The following MAPKBP1 variants were observed in gnomAD, a reference collection of about 807,000 sequenced individuals.
MAPKBP1 encodes mitogen-activated protein kinase-binding protein 1.
In MAPKBP1, 71 loss-of-function variants were observed where a neutral mutation model predicts 170.5. That is an observed-to-expected ratio of 0.42 (90% confidence interval 0.34 to 0.51). The LOEUF (loss-of-function observed/expected upper bound fraction) is 0.51. MAPKBP1 is among the 20% of genes least tolerant of loss of function. The probability of loss-of-function intolerance (pLI) is 0.06; values close to 1 mark genes in which losing one functional copy is unlikely to be tolerated. For synonymous variants in MAPKBP1, 719 were observed against 757.9 expected (o/e 0.95, Z 0.84); for missense variants, 1,598 against 1,933.0 (o/e 0.83, Z 3.25).
In MAPKBP1 at chr15:41,782,015, G is replaced by A. The variant is rs944467668; in HGVS notation, c.114+6626G>A. The stretch of plus-strand genomic sequence containing the variant: ...TGTAATCCTAGCATTTTGGGAGGCC[G>A]AGGCGGGCGGATCATGAGGTCAGGA... On this transcript the variant is annotated intron_variant, in intron 2 of 30. Transcript: ENST00000457542. Among the ~76,000 whole-genome samples the A allele has an allele frequency of 4.6e-5, 7 of 151,062 alleles. No homozygotes were observed. In the East Asian group the frequency reaches 1.2e-3, roughly 25 times the overall value.
chr15:41,797,807 C>A (rs1300475539), intron 2 of MAPKBP1, among the ~76,000 whole-genome samples: 1 of 152,202 alleles, frequency 6.6e-6, no homozygotes, highest in Non-Finnish European at 1.5e-5. Flanking sequence ...TCCTCATCTG[C>A]ATCCCCAAGA....
intron 10 of MAPKBP1, among the ~76,000 whole-genome samples, chr15:41,815,001 T>A (rs1314554754): frequency 6.6e-6 from 1 of 152,164 alleles, no homozygotes. Flanking sequence ...TGTAAAATGG[T>A]GTACTTGATT....
At chr15:41,798,313 C>G (rs1037198484) in intron 2 of MAPKBP1, among the ~76,000 whole-genome samples, 1 of 149,518 alleles carries the variant, frequency 6.7e-6, no homozygotes, top group Non-Finnish European at 1.5e-5. Flanking sequence ...GATGGCGTCT[C>G]GCTGTGTCAC....
At chr15:41,793,361 C>T (rs866611710) in intron 2 of MAPKBP1, among the ~76,000 whole-genome samples, 4 of 152,064 alleles carry the variant, frequency 2.6e-5, no homozygotes, top group Non-Finnish European at 4.4e-5. Flanking sequence ...GTGGCATGTG[C>T]CTGTAGTACC....
chr15:41,778,827 G>T (rs186344532), intron 2 of MAPKBP1, among the ~76,000 whole-genome samples: 1 of 152,186 alleles, frequency 6.6e-6, no homozygotes, highest in Admixed American at 6.5e-5. Flanking sequence ...AGCCCAGCAG[G>T]CAAGATTTAA....
Position 41,827,810 on chromosome 15 carries a change from T to G in MAPKBP1, c.*2374T>G. ...GGGGGCGCTGTTTTTAACGTGCCCG[T>G]TTGTACTGATGTATGAACTTGTCAA... On this transcript the variant is annotated 3_prime_UTR_variant, in exon 31 of 31. Transcript: ENST00000457542. 1.7e-5 allele frequency: 5 copies of G among 300,210 alleles called. No individual in the cohort carries two copies. The highest frequency in any genetic ancestry group is 5.2e-5 in the Admixed American group (1 of 19,210). The allele number at this position is 300,210 out of a possible 1,614,324, so 18.6% of individuals were successfully genotyped here.
At chr15:41,781,256 A>G (rs1463204574) in intron 2 of MAPKBP1, among the ~76,000 whole-genome samples, 1 of 151,682 alleles carries the variant, frequency 6.6e-6, no homozygotes, top group Non-Finnish European at 1.5e-5. Flanking sequence ...TTGTTTTTTC[A>G]GTAGAGACAG....
Position 41,826,777 on chromosome 15 carries a change from GT to G in MAPKBP1, c.*1343del. On this transcript the variant is annotated 3_prime_UTR_variant, in exon 31 of 31. Coordinates refer to ENST00000457542, the MANE Select transcript of MAPKBP1 (RefSeq NM_014994.3). ...GTAAGTGGCAGAGGTGAGGGGATAA[GT>G]TAGAATGTAAAAGGGCAGTAATTAG... The G allele has an allele frequency of 6.6e-6, 1 of 152,364 alleles. No homozygotes were observed. Among genetic ancestry groups the G allele is most frequent in the Non-Finnish European group, 1.5e-5 (1 of 68,062 alleles). 9.4% of individuals were successfully genotyped at this position (152,364 alleles called of 1,614,324 possible). A position where few individuals can be genotyped will look rare whatever the true frequency, so the allele number is the denominator to read the frequency against.
At chr15:41,796,582 A>G (rs1477786604) in intron 2 of MAPKBP1, among the ~76,000 whole-genome samples, 1 of 152,036 alleles carries the variant, frequency 6.6e-6, no homozygotes. Context: ...CTCCCCTTCC[A>G]CAGAGCCAAA....
intron 3 of MAPKBP1, 105 bp from the exon 4 acceptor site, chr15:41,810,778 C>A: frequency 5.2e-6 from 4 of 766,460 alleles, no homozygotes; most frequent in East Asian, 2.7e-5. Context: ...TGAGCTCTTT[C>A]TACCCAGCTC....
chr15:41,802,120 G>A (rs1290878596), intron 3 of MAPKBP1, among the ~76,000 whole-genome samples: 2 of 152,106 alleles, frequency 1.3e-5, no homozygotes, highest in African/African-American at 4.8e-5. Context: ...AATGGTATTT[G>A]TATATTTAAA....
chr15:41,813,606 C>T lies in MAPKBP1; in HGVS notation c.820-15C>T. 1 of 1,611,612 alleles carries T rather than the reference C, an allele frequency of 6.2e-7. No homozygotes were observed. Among genetic ancestry groups the T allele is most frequent in the Non-Finnish European group, 8.5e-7 (1 of 1,179,184 alleles). On this transcript the variant is annotated splice_polypyrimidine_tract_variant and intron_variant, in intron 8 of 30. Transcript: ENST00000457542. Reference sequence around the variant, plus strand: ...GGGCAGGTGGCCTTGCTGAGCTGAGCCACTCTGCCCACAGACCACAGTGGC... The same window carrying T: ...GGGCAGGTGGCCTTGCTGAGCTGAGTCACTCTGCCCACAGACCACAGTGGC...
chr15:41,825,720 A>G lies in MAPKBP1; in HGVS notation c.*284A>G. ...TTGGTGCTGTGAGAGGTAGGAGGGCAGCCTGCCCCATCTAGGAATCTGGGA... is the reference window on the plus strand; with the variant it reads ...TTGGTGCTGTGAGAGGTAGGAGGGCGGCCTGCCCCATCTAGGAATCTGGGA... On this transcript the variant is annotated 3_prime_UTR_variant, in exon 31 of 31. Transcript: ENST00000457542. 1 of 362,612 alleles carries G rather than the reference A, an allele frequency of 2.8e-6. No homozygotes were observed. Among genetic ancestry groups the G allele is most frequent in the Non-Finnish European group, 5.0e-6 (1 of 198,982 alleles). 22.5% of individuals were successfully genotyped at this position (362,612 alleles called of 1,614,324 possible).
At chr15:41,791,638 ATCTTATGCTGTGCCACC>A (rs2064397290) in intron 2 of MAPKBP1, among the ~76,000 whole-genome samples, 1 of 152,116 alleles carries the variant, frequency 6.6e-6, no homozygotes, top group African/African-American at 2.4e-5. Context: ...ACCGCTTGGG[ATCTTATGCTGTGCCACC>A]TCTGTTGAGG....
Position 41,812,987 on chromosome 15 carries a change from T to A in MAPKBP1, c.705T>A (p.Thr235=). 6.2e-7 allele frequency: 1 copy of A among 1,613,856 alleles called. No homozygotes were observed. Among genetic ancestry groups the A allele is most frequent in the South Asian group, 1.1e-5 (1 of 91,050 alleles). The part of the protein sequence containing the change: ...LLGELRNNLF[T]DVACGRGKKA... ...GAGAGCTACGGAACAACCTATTCAC[T>A]GATGTGGCCTGTGGCAGAGGAAAAA... Residue 235 remains threonine, a synonymous_variant, in exon 8 of 31, where the codon ACT becomes ACA. Transcript: ENST00000457542.
At chr15:41,807,694 A>G (rs1366245657) in intron 3 of MAPKBP1, among the ~76,000 whole-genome samples, 1 of 152,218 alleles carries the variant, frequency 6.6e-6, no homozygotes, top group African/African-American at 2.4e-5. Context: ...TGATAGTGGC[A>G]GGCCTGGGGC....
intron 24 of MAPKBP1, 48 bp from the exon 25 acceptor site, chr15:41,821,917 C>T (rs1279384554): frequency 4.4e-6 from 7 of 1,594,780 alleles, no homozygotes; most frequent in Non-Finnish European, 5.1e-6. Flanking sequence ...GGGGCTGCTG[C>T]CTACCCCTGC....
intron 9 of MAPKBP1, among the ~76,000 whole-genome samples, 200 bp downstream of exon 9, chr15:41,813,981 C>T (rs2064848013): frequency 6.6e-6 from 1 of 152,142 alleles, no homozygotes; most frequent in African/African-American, 2.4e-5. Flanking sequence ...TGTGGAGAGT[C>T]TCAGTAAGTG....
intron 3 of MAPKBP1, among the ~76,000 whole-genome samples, chr15:41,804,118 G>A (rs2064650181): frequency 6.6e-6 from 1 of 152,214 alleles, no homozygotes; most frequent in Admixed American, 6.5e-5. Flanking sequence ...GGGATTACAG[G>A]TGTGAGCCAC....
Sources: gnomAD v4.1 joint callset for allele counts (sites outside exome capture counted in the v4.1 genomes callset) on GRCh38, gnomAD v4.1.1 for gene constraint, MANE v1.5 for transcripts, NCBI Gene and HGNC (gene_info 2026-07-23, HGNC 2026-07-21) for gene names.